The following GALNT1 variants were observed in gnomAD, a reference collection of about 807,000 sequenced individuals.
The protein encoded by GALNT1 is GalNAc transferase 1.
A neutral mutation model predicts 65.7 loss-of-function variants in GALNT1; 17 were observed. The ratio of observed to expected loss-of-function variants is 0.26; its 90% CI spans 0.18 to 0.39. GALNT1 has a LOEUF of 0.39. Among genes scored for constraint, GALNT1 ranks in the 10% least tolerant of loss-of-function variants. The probability of loss-of-function intolerance (pLI) is 1.00; values close to 1 mark genes in which losing one functional copy is unlikely to be tolerated. For missense variants in GALNT1, 460 were observed against 672.8 expected, an observed-to-expected ratio of 0.68 and a Z score of 3.50; for synonymous variants, 210 against 219.7, an observed-to-expected ratio of 0.96 and a Z score of 0.39.
At chr18:35,637,099 C>T (rs1287777827) in intron 1 of GALNT1, among the ~76,000 whole-genome samples, 1 of 152,038 alleles carries the variant, frequency 6.6e-6, no homozygotes, top group Non-Finnish European at 1.5e-5. Context: ...TGTCTCTCTC[C>T]CTCTCCTCGG....
At chr18:35,632,104 T>C (rs1424397553) in intron 1 of GALNT1, among the ~76,000 whole-genome samples, 6 of 152,244 alleles carry the variant, frequency 3.9e-5, no homozygotes, top group Admixed American at 1.3e-4. Context: ...GAAGCAATAT[T>C]GTGAAAATGG....
Position 35,651,104 on chromosome 18 carries a change from C to T in GALNT1, c.-103-3456C>T, listed in dbSNP as rs191772897. 7.3e-3 allele frequency among the ~76,000 whole-genome samples: 1,111 copies of T among 152,220 alleles called. 13 individuals carry two copies. The highest frequency in any genetic ancestry group is 0.024 in the African/African-American group (1,010 of 41,518). ...CTGCCATGGCTTCAGCTGGTCCCTCCGTTCGGGGTCCCTGACTTCCCGCAA... is the reference window on the plus strand; with the variant it reads ...CTGCCATGGCTTCAGCTGGTCCCTCTGTTCGGGGTCCCTGACTTCCCGCAA... On this transcript the variant is annotated intron_variant, in intron 1 of 11. Transcript: ENST00000269195.
chr18:35,648,560 A>G (rs1343645511), intron 1 of GALNT1, among the ~76,000 whole-genome samples: 1 of 152,248 alleles, frequency 6.6e-6, no homozygotes, highest in Non-Finnish European at 1.5e-5. Flanking sequence ...AAGTAGTTAA[A>G]TGCATTTCAA....
intron 3 of GALNT1, among the ~76,000 whole-genome samples, chr18:35,667,746 A>C (rs898790937): frequency 3.3e-5 from 5 of 152,184 alleles, no homozygotes; most frequent in Non-Finnish European, 7.3e-5. Flanking sequence ...TGCTGACTGC[A>C]TCACTGTGGT....
chr18:35,582,162 A>G (rs1426657171), intron 1 of GALNT1, among the ~76,000 whole-genome samples: 2 of 152,126 alleles, frequency 1.3e-5, no homozygotes, highest in African/African-American at 4.8e-5. Context: ...AAATAAAGCT[A>G]AATATGGCTT....
At chr18:35,622,234 T>A (rs1406451834) in intron 1 of GALNT1, among the ~76,000 whole-genome samples, 7 of 151,986 alleles carry the variant, frequency 4.6e-5, no homozygotes, top group Non-Finnish European at 1.0e-4. Context: ...GCAATTTTCT[T>A]CTTTTTCTTT....
At position 35,678,867 on chromosome 18, in the gene GALNT1, T is replaced by C. The variant is rs543640134; in HGVS notation, c.481+1110T>C. Among the ~76,000 whole-genome samples, 7 of 152,332 alleles carry C rather than the reference T, an allele frequency of 4.6e-5. No individual in the cohort carries two copies. In the South Asian group the frequency reaches 6.2e-4, roughly 14 times the overall value. ...AAATTAAGTTTATTCACATCAAATATCAATTATTTGGAGTAATTAATACAA... is the reference window on the plus strand; with the variant it reads ...AAATTAAGTTTATTCACATCAAATACCAATTATTTGGAGTAATTAATACAA... On this transcript the variant is annotated intron_variant, in intron 4 of 11. Coordinates refer to ENST00000269195, the MANE Select transcript of GALNT1 (RefSeq NM_020474.4).
chr18:35,697,352 G>A lies in GALNT1; in HGVS notation c.1299+5032G>A, dbSNP rs368205961. 5.9e-5 allele frequency among the ~76,000 whole-genome samples: 9 copies of A among 152,274 alleles called. 1 individual carries two copies. Among genetic ancestry groups the A allele is most frequent in the Non-Finnish European group, 7.4e-5 (5 of 68,026 alleles). On this transcript the variant is annotated intron_variant, in intron 9 of 11. Coordinates refer to ENST00000269195, the MANE Select transcript of GALNT1 (RefSeq NM_020474.4). ...CCCCAAGGTGCTCAATTAGAAAGGC[G>A]AAGTGCTGGGGAGAAGGAGGTAGAT... is the stretch of plus-strand genomic sequence containing the variant.
intron 1 of GALNT1, among the ~76,000 whole-genome samples, chr18:35,611,946 C>G (rs2144046126): frequency 6.6e-6 from 1 of 152,234 alleles, no homozygotes; most frequent in South Asian, 2.1e-4. Flanking sequence ...ATTTGTAGGC[C>G]TTGCCCTTTG....
intron 11 of GALNT1, among the ~76,000 whole-genome samples, chr18:35,704,714 G>A (rs1294531995): frequency 1.3e-5 from 2 of 149,070 alleles, no homozygotes; most frequent in Non-Finnish European, 3.0e-5. Flanking sequence ...GTGCAATCTC[G>A]GCTCATGCAA....
intron 1 of GALNT1, chr18:35,627,589 G>C (rs1568018447): frequency 6.6e-6 from 1 of 152,172 alleles, no homozygotes; most frequent in Non-Finnish European, 1.5e-5. Context: ...TGTTGATTGG[G>C]GGGGCGGTTC....
In GALNT1 at chr18:35,654,821, A is replaced by G; in HGVS notation, c.139+20A>G. ...GAGATGGTGAGTGACATTTTATAATAGAGCTGTTTTAACTACTATATCACT... is the reference window on the plus strand; with the variant it reads ...GAGATGGTGAGTGACATTTTATAATGGAGCTGTTTTAACTACTATATCACT... On this transcript the variant is annotated intron_variant, in intron 2 of 11. Transcript: ENST00000269195. 1 of 1,523,400 alleles carries G rather than the reference A, an allele frequency of 6.6e-7. No homozygotes were observed. The highest frequency in any genetic ancestry group is 1.8e-4 in the Middle Eastern group (1 of 5,696). 94.4% of individuals were successfully genotyped at this position (1,523,400 alleles called of 1,614,324 possible). A position where few individuals can be genotyped will look rare whatever the true frequency, so the allele number is the denominator to read the frequency against.
rs761040481 is a variant in GALNT1, at chr18:35,691,199, G to C, written c.1159+7G>C. On this transcript the variant is annotated splice_region_variant and intron_variant, in intron 8 of 11. Transcript: ENST00000269195. ...TTCTATATAATTTCTCCAGGTTAGC[G>C]TTGTTTTGCATTAGAAATACAAGGC... The C allele has an allele frequency of 6.3e-7, 1 of 1,591,054 alleles. No homozygotes were observed. Among genetic ancestry groups the C allele is most frequent in the Non-Finnish European group, 8.5e-7 (1 of 1,171,088 alleles).
At chr18:35,637,746 C>T (rs1174097479) in intron 1 of GALNT1, among the ~76,000 whole-genome samples, 1 of 152,188 alleles carries the variant, frequency 6.6e-6, no homozygotes, top group Non-Finnish European at 1.5e-5. Flanking sequence ...GAAGAAGATG[C>T]CATCTAAGAC....
intron 1 of GALNT1, among the ~76,000 whole-genome samples, chr18:35,625,818 C>G (rs2046909838): frequency 6.6e-6 from 1 of 152,124 alleles, no homozygotes; most frequent in African/African-American, 2.4e-5. Context: ...TGCTGAAACT[C>G]CAACGCAGTG....
At chr18:35,588,844 A>G (rs939626062) in intron 1 of GALNT1, among the ~76,000 whole-genome samples, 7 of 152,158 alleles carry the variant, frequency 4.6e-5, no homozygotes, top group Admixed American at 2.0e-4. Context: ...AAGCATGTCT[A>G]TCACAGCTGC....
chr18:35,635,888 T>C (rs1014372803), intron 1 of GALNT1, among the ~76,000 whole-genome samples: 6 of 152,176 alleles, frequency 3.9e-5, no homozygotes, highest in African/African-American at 1.4e-4. Flanking sequence ...ATTTCAAAAT[T>C]AACCTTCACT....
chr18:35,589,083 A>T (rs2143850530), intron 1 of GALNT1, among the ~76,000 whole-genome samples: 1 of 152,128 alleles, frequency 6.6e-6, no homozygotes, highest in Admixed American at 6.5e-5. Flanking sequence ...GTTGGTGGGG[A>T]GGGCACATGG....
intron 1 of GALNT1, among the ~76,000 whole-genome samples, chr18:35,635,734 A>AT (rs900788111): frequency 7.1e-4 from 106 of 150,338 alleles, no homozygotes; most frequent in African/African-American, 1.8e-3. Context: ...AAGTTTGTAG[A>AT]TTTTTTTTTT....
Sources: allele counts gnomAD v4.1 joint callset (sites outside exome capture counted in the v4.1 genomes callset), GRCh38; gene constraint gnomAD v4.1.1; transcripts MANE v1.5; gene names NCBI Gene and HGNC (gene_info 2026-07-23, HGNC 2026-07-21).